The following COL26A1 variants were observed in gnomAD, a reference collection of about 807,000 sequenced individuals.
The protein encoded by COL26A1 is collagen alpha-1(XXVI) chain.
COL26A1 carries 41 observed loss-of-function variants against 59.3 expected under a neutral mutation model. That is an observed-to-expected ratio of 0.69 (90% CI 0.54 to 0.90). The LOEUF (loss-of-function observed/expected upper bound fraction) is 0.90, where lower values mean the gene tolerates loss of function less well. Ranked by LOEUF, COL26A1 falls within the 40% of genes least tolerant of loss-of-function variation. The pLI is 0.00. For missense variants in COL26A1, 612 were observed against 602.3 expected (o/e 1.02, Z -0.17); for synonymous variants, 266 against 256.0 (o/e 1.04, Z -0.37).
chr7:101,485,071 C>T (rs1971533), intron 3 of COL26A1, among the ~76,000 whole-genome samples: 76,827 of 151,908 alleles, frequency 0.51, 20,718 homozygotes, highest in African/African-American at 0.68. Context: ...AGGCTGGTCT[C>T]GAACTCCTGG....
chr7:101,519,718 C>A (rs1379744638), intron 3 of COL26A1, among the ~76,000 whole-genome samples: 2 of 152,194 alleles, frequency 1.3e-5, no homozygotes, highest in Non-Finnish European at 2.9e-5. Context: ...ACCACCTGGA[C>A]ACTCTTTTAA....
intron 3 of COL26A1, among the ~76,000 whole-genome samples, chr7:101,454,029 A>G (rs1303380590): frequency 6.6e-6 from 1 of 152,070 alleles, no homozygotes; most frequent in East Asian, 1.9e-4. Context: ...ATCTTAATGA[A>G]TTGCACATTT....
At chr7:101,423,729 C>T (rs1047319874) in intron 2 of COL26A1, among the ~76,000 whole-genome samples, 4 of 148,828 alleles carry the variant, frequency 2.7e-5, no homozygotes, top group African/African-American at 4.9e-5. Flanking sequence ...AGTGAGACTC[C>T]GTCGCAAAAA....
At chr7:101,540,205 A>G (rs1795583451) in intron 5 of COL26A1, among the ~76,000 whole-genome samples, 156 bp downstream of exon 5, 2 of 152,226 alleles carry the variant, frequency 1.3e-5, no homozygotes, top group Non-Finnish European at 2.9e-5. Context: ...GAAAATGGGT[A>G]TTTCACCTAA....
intron 3 of COL26A1, among the ~76,000 whole-genome samples, chr7:101,496,731 C>T (rs1479168211): frequency 6.6e-6 from 1 of 151,870 alleles, no homozygotes; most frequent in East Asian, 1.9e-4. Flanking sequence ...ACCAAAAATA[C>T]AAAAAATTCC....
rs188943667 is a variant in COL26A1, at chr7:101,427,533, G to A, written c.281+7434G>A. 2.1e-3 allele frequency among the ~76,000 whole-genome samples: 326 copies of A among 152,166 alleles called. 1 individual carries two copies. Among genetic ancestry groups the A allele is most frequent in the South Asian group, 0.011 (54 of 4,820 alleles). Reference sequence around the variant, plus strand: ...AAAAATTAGTCAGGCATGGTGGCAGGCACCTGTAATTCCAGCTACTCGGGA... The same window carrying A: ...AAAAATTAGTCAGGCATGGTGGCAGACACCTGTAATTCCAGCTACTCGGGA... On this transcript the variant is annotated intron_variant, in intron 2 of 12. Transcript: ENST00000313669.
At chr7:101,549,537 C>T (rs1007305078) in intron 9 of COL26A1, among the ~76,000 whole-genome samples, 2 of 152,118 alleles carry the variant, frequency 1.3e-5, no homozygotes, top group Non-Finnish European at 1.5e-5. Flanking sequence ...CACGCCACCA[C>T]GCCCAGCTAA....
Position 101,554,768 on chromosome 7 carries a change from A to C in COL26A1, c.1081-1019A>C, listed in dbSNP as rs535808560. Among the ~76,000 whole-genome samples, 9 of 151,922 alleles carry C rather than the reference A, an allele frequency of 5.9e-5. 2 individuals carry two copies. In the South Asian group the frequency reaches 1.0e-3, roughly 18 times the overall value. Reference sequence around the variant, plus strand: ...CTAAAACCTAAAAAAACCCCAAAAAACAAAAACAAAAAAACCAACCACCTG... The same window carrying C: ...CTAAAACCTAAAAAAACCCCAAAAACCAAAAACAAAAAAACCAACCACCTG... On this transcript the variant is annotated intron_variant, in intron 11 of 12. Coordinates refer to ENST00000313669, the MANE Select transcript of COL26A1 (RefSeq NM_001278563.3).
chr7:101,498,607 G>A (rs1285365053), intron 3 of COL26A1, among the ~76,000 whole-genome samples: 1 of 152,100 alleles, frequency 6.6e-6, no homozygotes, highest in Admixed American at 6.6e-5. Flanking sequence ...TGACCCTGCC[G>A]GCGACACCAA....
intron 2 of COL26A1, among the ~76,000 whole-genome samples, chr7:101,434,040 CCT>C (rs1792842885): frequency 1.2e-5 from 1 of 84,846 alleles, no homozygotes; most frequent in African/African-American, 6.7e-5. Context: ...TACTCCCTTC[CCT>C]TCCCTCCCTC....
chr7:101,447,482 T>C (rs1793225744), intron 2 of COL26A1, among the ~76,000 whole-genome samples: 1 of 152,242 alleles, frequency 6.6e-6, no homozygotes, highest in South Asian at 2.1e-4. Context: ...CTGATCTCTT[T>C]CGTTGTCATA....
intron 3 of COL26A1, among the ~76,000 whole-genome samples, chr7:101,455,503 CTTTT>C (rs10690062): frequency 8.6e-6 from 1 of 116,566 alleles, no homozygotes; most frequent in Non-Finnish European, 1.7e-5. Flanking sequence ...CTTTTCTTTT[CTTTT>C]TTTTTTTTTT....
intron 1 of COL26A1, among the ~76,000 whole-genome samples, chr7:101,367,671 GAAAAAAA>G (rs60293558): frequency 6.3e-5 from 7 of 111,698 alleles, no homozygotes; most frequent in African/African-American, 2.9e-5. Context: ...TCTCAAAAAA[GAAAAAAA>G]AAAAAAAAAA....
At chr7:101,542,500 A>G (rs1584500518) in intron 5 of COL26A1, among the ~76,000 whole-genome samples, 2 of 152,146 alleles carry the variant, frequency 1.3e-5, no homozygotes. Flanking sequence ...CCCTGGGGTC[A>G]CCCAGCAAGC....
Position 101,461,123 on chromosome 7 carries a change from A to G in COL26A1, c.385+13336A>G, listed in dbSNP as rs530981773. 3.3e-4 allele frequency among the ~76,000 whole-genome samples: 50 copies of G among 152,182 alleles called. 1 individual carries two copies. The highest frequency in any genetic ancestry group is 1.2e-3 in the African/African-American group (49 of 41,530). Reference sequence around the variant, plus strand: ...CCCAAGTAGCTGGGACCACAGGTGCACCACACCACGCCCAGCAATTTTTTT... The same window carrying G: ...CCCAAGTAGCTGGGACCACAGGTGCGCCACACCACGCCCAGCAATTTTTTT... On this transcript the variant is annotated intron_variant, in intron 3 of 12. Coordinates refer to ENST00000313669, the MANE Select transcript of COL26A1 (RefSeq NM_001278563.3).
At chr7:101,431,545 C>T (rs1318684595) in intron 2 of COL26A1, among the ~76,000 whole-genome samples, 1 of 152,196 alleles carries the variant, frequency 6.6e-6, no homozygotes, top group East Asian at 1.9e-4. Context: ...CAGAGGTGAG[C>T]CACCATGCCC....
intron 3 of COL26A1, among the ~76,000 whole-genome samples, chr7:101,466,792 T>A (rs1014382873): frequency 5.1e-5 from 5 of 97,126 alleles, no homozygotes; most frequent in African/African-American, 2.0e-4. Flanking sequence ...CCCGGCATGT[T>A]CTGGTGTGTG....
At chr7:101,449,971 A>C (rs1185093131) in intron 3 of COL26A1, among the ~76,000 whole-genome samples, 1 of 152,038 alleles carries the variant, frequency 6.6e-6, no homozygotes, top group Non-Finnish European at 1.5e-5. Flanking sequence ...TAAAAACCCA[A>C]AAATTAGCCG....
chr7:101,555,129 C>T (rs915840546), intron 11 of COL26A1, among the ~76,000 whole-genome samples: 5 of 152,176 alleles, frequency 3.3e-5, no homozygotes, highest in African/African-American at 1.2e-4. Flanking sequence ...GTGGCCTCGA[C>T]ACCTGCCTTC....
Sources: allele counts gnomAD v4.1 joint callset (sites outside exome capture counted in the v4.1 genomes callset), GRCh38; gene constraint gnomAD v4.1.1; transcripts MANE v1.5; gene names NCBI Gene and HGNC (gene_info 2026-07-23, HGNC 2026-07-21).